PLPP3: variants seen among roughly 807,000 people sequenced by gnomAD.
The protein encoded by PLPP3 is PAP2 beta.
Under a neutral mutation model 29.6 loss-of-function variants are expected in PLPP3, and 6 were observed. The ratio of observed to expected loss-of-function variants is 0.20; its 90% CI spans 0.11 to 0.40. PLPP3 has a LOEUF of 0.40. Ranked by LOEUF, PLPP3 falls within the 10% of genes least tolerant of loss-of-function variation. PLPP3 has a pLI of 1.00. For synonymous variants in PLPP3, 152 were observed against 159.7 expected (o/e 0.95, Z 0.36); for missense variants, 308 against 407.7 (o/e 0.76, Z 2.11).
At chr1:56,560,042 CT>C (rs1240135474) in intron 1 of PLPP3, among the ~76,000 whole-genome samples, 1 of 152,164 alleles carries the variant, frequency 6.6e-6, no homozygotes, top group Non-Finnish European at 1.5e-5. Context: ...TTTCAGAAGC[CT>C]TCCCCCAGAG....
chr1:56,559,292 A>G (rs1295224238), intron 1 of PLPP3, among the ~76,000 whole-genome samples: 2 of 152,252 alleles, frequency 1.3e-5, no homozygotes, highest in African/African-American at 4.8e-5. Flanking sequence ...GTAGTTATCA[A>G]TGAGAATACC....
intron 4 of PLPP3, among the ~76,000 whole-genome samples, chr1:56,519,458 C>T (rs1470566123): frequency 6.6e-6 from 1 of 152,198 alleles, no homozygotes; most frequent in African/African-American, 2.4e-5. Context: ...TCCCCATTCC[C>T]ACTCCTAGCT....
rs1443135662 is a variant in PLPP3, at chr1:56,579,134, C to T, written c.-118G>A. 2.1e-5 allele frequency: 29 copies of T among 1,397,292 alleles called. No individual in the cohort carries two copies. Among genetic ancestry groups the T allele is most frequent in the Admixed American group, 3.0e-5 (1 of 33,678 alleles). 86.6% of individuals were successfully genotyped at this position (1,397,292 alleles called of 1,614,324 possible). On this transcript the variant is annotated 5_prime_UTR_variant, in exon 1 of 6. Coordinates refer to ENST00000371250, the MANE Select transcript of PLPP3 (RefSeq NM_003713.5). Reference sequence around the variant, plus strand: ...CTGCTGCGGATAGTGGCGGGTCGGCCCCGGCTCCGGGCGCGGCGGCTAGAG... The same window carrying T: ...CTGCTGCGGATAGTGGCGGGTCGGCTCCGGCTCCGGGCGCGGCGGCTAGAG...
chr1:56,568,917 G>T (rs549093421), intron 1 of PLPP3, among the ~76,000 whole-genome samples: 1 of 150,870 alleles, frequency 6.6e-6, no homozygotes, highest in Admixed American at 6.6e-5. Context: ...GAGCCACCGC[G>T]CCCGGCCCTG....
Position 56,524,419 on chromosome 1 carries a change from C to T in PLPP3, c.433G>A (p.Asp145Asn), listed in dbSNP as rs1423657232. ...CGCCCTATGGACACTTTGGCAATGTCTGTGAAAGACTGGCTGATGGCACAG... is the reference window on the plus strand; with the variant it reads ...CGCCCTATGGACACTTTGGCAATGTTTGTGAAAGACTGGCTGATGGCACAG... ...FGCAISQSFT[D>N]IAKVSIGRLR... The change falls in exon 3 of 6, where the codon GAC (aspartate) becomes AAC (asparagine). Residue 145 changes from aspartate (D) to asparagine (N), a missense_variant. Asp to Asn is a conservative substitution (Grantham distance 23). This residue lies in a region of PLPP3 where 232 missense variants were observed against 317.2 expected (regional missense o/e 0.73). Transcript: ENST00000371250. The surrounding 1 kb of genome is among the most constrained non-coding windows in gnomAD (Gnocchi z 4.3). The T allele has an allele frequency of 6.2e-7, 1 of 1,613,992 alleles. No individual in the cohort carries two copies. The highest frequency in any genetic ancestry group is 8.5e-7 in the Non-Finnish European group (1 of 1,179,964).
intron 1 of PLPP3, chr1:56,538,358 G>C (rs1362064565): frequency 2.1e-5 from 6 of 286,446 alleles, no homozygotes; most frequent in South Asian, 3.6e-5. Flanking sequence ...AAAGTAAAAG[G>C]ACCAGTTCTT....
rs2100213459 is a variant in PLPP3, at chr1:56,496,201, T to A, written c.*350A>T. The A allele has an allele frequency of 5.1e-6, 1 of 196,876 alleles. No homozygotes were observed. The highest frequency in any genetic ancestry group is 2.3e-3 in the Middle Eastern group (1 of 426). 12.2% of individuals were successfully genotyped at this position (196,876 alleles called of 1,614,324 possible). On this transcript the variant is annotated 3_prime_UTR_variant, in exon 6 of 6. Transcript: ENST00000371250. ...CATCATGTGCTGCAATGTGAATTTT[T>A]GCTTTTCTCACAGGCCTGGGATTCC...
chr1:56,518,117 G>T (rs2100240620), intron 4 of PLPP3, among the ~76,000 whole-genome samples: 1 of 152,282 alleles, frequency 6.6e-6, no homozygotes, highest in South Asian at 2.1e-4. Context: ...GAAATAGATG[G>T]ATGTGTGGTG....
chr1:56,537,228 GA>G (rs1356381387), intron 1 of PLPP3, 116 bp from the exon 2 acceptor site: 11 of 1,157,252 alleles, frequency 9.5e-6, no homozygotes, highest in Non-Finnish European at 1.3e-5. Flanking sequence ...CACTGAGAGT[GA>G]TAATCGTTCC....
intron 1 of PLPP3, among the ~76,000 whole-genome samples, chr1:56,539,913 C>G (rs778129498): frequency 3.1e-4 from 47 of 152,128 alleles, no homozygotes; most frequent in Non-Finnish European, 6.0e-4. Flanking sequence ...TGCCTAGGAG[C>G]CAAAGTGTTG....
intron 1 of PLPP3, among the ~76,000 whole-genome samples, chr1:56,559,552 T>C (rs1646107112): frequency 1.1e-5 from 1 of 91,808 alleles, no homozygotes; most frequent in African/African-American, 4.1e-5. Flanking sequence ...ACCCCCAGCC[T>C]TGAATTTTTT....
chr1:56,519,991 T>C (rs1645808178), intron 4 of PLPP3, among the ~76,000 whole-genome samples: 1 of 152,136 alleles, frequency 6.6e-6, no homozygotes, highest in Non-Finnish European at 1.5e-5. Context: ...CTGAACTCGA[T>C]GGTAATGTAG....
In PLPP3 at chr1:56,511,687, C is replaced by T. The variant is rs927416415; in HGVS notation, c.810+289G>A. 5.3e-5 allele frequency among the ~76,000 whole-genome samples: 8 copies of T among 152,030 alleles called. No individual in the cohort carries two copies. In the East Asian group the frequency reaches 1.6e-3, roughly 30 times the overall value. On this transcript the variant is annotated intron_variant, in intron 5 of 5. Coordinates refer to ENST00000371250, the MANE Select transcript of PLPP3 (RefSeq NM_003713.5). ...TCATCTATAACATGAGCAAGTTGGA[C>T]AATATCTCAGCTCTCTTCCAATTGC...
intron 5 of PLPP3, among the ~76,000 whole-genome samples, chr1:56,504,606 T>C (rs4912317): frequency 0.95 from 143,963 of 152,214 alleles, 68,611 homozygotes; most frequent in East Asian, 1. Context: ...CCCCAAGTTT[T>C]GTTGTTCTGC....
At chr1:56,532,938 G>C (rs568634419) in intron 2 of PLPP3, among the ~76,000 whole-genome samples, 1 of 152,268 alleles carries the variant, frequency 6.6e-6, no homozygotes, top group Admixed American at 6.5e-5. Flanking sequence ...TTGGAAGGTG[G>C]GGGAGGAGAC....
Position 56,505,636 on chromosome 1 carries a change from T to C in PLPP3, c.810+6340A>G, listed in dbSNP as rs576436399. ...CCTAATGTATAGTAAATATATTTCCTCTTCCTTATAATTTTCTTGATAATA... is the reference window on the plus strand; with the variant it reads ...CCTAATGTATAGTAAATATATTTCCCCTTCCTTATAATTTTCTTGATAATA... On this transcript the variant is annotated intron_variant, in intron 5 of 5. Transcript: ENST00000371250. 2.0e-5 allele frequency among the ~76,000 whole-genome samples: 3 copies of C among 152,328 alleles called. No individual in the cohort carries two copies. In the East Asian group the frequency reaches 5.8e-4, roughly 29 times the overall value.
intron 1 of PLPP3, among the ~76,000 whole-genome samples, chr1:56,572,569 A>G (rs1646207056): frequency 6.6e-6 from 1 of 152,202 alleles, no homozygotes; most frequent in African/African-American, 2.4e-5. Flanking sequence ...TTTCCCAGAA[A>G]GGGTCAGGAA....
intron 1 of PLPP3, among the ~76,000 whole-genome samples, chr1:56,539,757 A>G (rs1645955694): frequency 6.6e-6 from 1 of 152,212 alleles, no homozygotes; most frequent in Admixed American, 6.5e-5. Context: ...GTCCCGAACC[A>G]TCTTCATGCC....
chr1:56,558,261 C>T (rs1646097917), intron 1 of PLPP3, among the ~76,000 whole-genome samples: 1 of 152,188 alleles, frequency 6.6e-6, no homozygotes, highest in Non-Finnish European at 1.5e-5. Flanking sequence ...GGTTAATAAG[C>T]TCTGCTCAAT....
Sources: gnomAD v4.1 joint callset for allele counts (sites outside exome capture counted in the v4.1 genomes callset) on GRCh38, gnomAD v4.1.1 for gene constraint, gnomAD v4.1.1 regional missense constraint, Gnocchi (gnomAD v3.1) non-coding constraint, MANE v1.5 for transcripts, NCBI Gene and HGNC (gene_info 2026-07-23, HGNC 2026-07-21) for gene names.